Variants in DLG2 observed in about 807,000 individuals in gnomAD.
DLG2 encodes disks large homolog 2.
Under a neutral mutation model 132.5 loss-of-function variants are expected in DLG2, and 45 were observed. The ratio of observed to expected loss-of-function variants is 0.34; its 90% confidence interval spans 0.27 to 0.44. The LOEUF (loss-of-function observed/expected upper bound fraction) is 0.44, where lower values mean the gene tolerates loss of function less well. DLG2 is among the 20% of genes least tolerant of loss of function. DLG2 has a pLI of 1.00. For synonymous variants in DLG2, 424 were observed against 419.6 expected, an observed-to-expected ratio of 1.01 and a Z score of -0.13; for missense variants, 1,045 against 1,196.9, an observed-to-expected ratio of 0.87 and a Z score of 1.87.
intron 6 of DLG2, among the ~76,000 whole-genome samples, chr11:84,598,805 G>A (rs1431991922): frequency 1.3e-5 from 2 of 150,164 alleles, no homozygotes; most frequent in Non-Finnish European, 3.0e-5. Flanking sequence ...GCCGGGCATG[G>A]TGTCACATAC....
intron 6 of DLG2, among the ~76,000 whole-genome samples, chr11:84,614,522 C>T (rs2099600735): frequency 5.9e-5 from 9 of 152,132 alleles, no homozygotes; most frequent in Admixed American, 5.9e-4. Flanking sequence ...ATAGGTTTTA[C>T]ATAATAGAGA....
rs2099673718 is a variant in DLG2, at chr11:84,645,538, G to T, written c.358-110807C>A. On this transcript the variant is annotated intron_variant, in intron 6 of 27. Transcript: ENST00000376104. ...GCCAGAGTGCAGTCGCACGATCTCG[G>T]CTCACTGCAAGCTCCGCCTCCTGGG... 2.0e-5 allele frequency among the ~76,000 whole-genome samples: 3 copies of T among 152,238 alleles called. No individual in the cohort carries two copies. The South Asian group carries it at 6.2e-4, about 32-fold the overall frequency.
Position 83,972,102 on chromosome 11 carries a change from G to A in DLG2, c.1057-6634C>T, listed in dbSNP as rs377251582. The stretch of plus-strand genomic sequence containing the variant: ...GAAAATCGGAATGGGAAAAAAGAAA[G>A]TTAATTTCTCAAGGCCAATGAATAG... On this transcript the variant is annotated intron_variant, in intron 12 of 27. Coordinates refer to ENST00000376104, the MANE Select transcript of DLG2 (RefSeq NM_001142699.3). Among the ~76,000 whole-genome samples, 33 of 152,118 alleles carry A rather than the reference G, an allele frequency of 2.2e-4. No homozygotes were observed. In the East Asian group the frequency reaches 6.0e-3, roughly 28 times the overall value.
chr11:84,218,982 C>A (rs565864349), intron 8 of DLG2, among the ~76,000 whole-genome samples: 1 of 152,266 alleles, frequency 6.6e-6, no homozygotes, highest in African/African-American at 2.4e-5. Flanking sequence ...TTTATTATGG[C>A]AGCTATTGGT....
intron 4 of DLG2, among the ~76,000 whole-genome samples, chr11:85,197,350 C>A (rs1034469844): frequency 2.6e-5 from 4 of 151,960 alleles, no homozygotes; most frequent in Non-Finnish European, 4.4e-5. Flanking sequence ...TTTTAAAGAA[C>A]AATGCACATA....
At position 84,393,082 on chromosome 11, in the gene DLG2, G is replaced by A. The variant is rs568715558; in HGVS notation, c.519+141488C>T. Among the ~76,000 whole-genome samples the A allele has an allele frequency of 1.4e-4, 21 of 152,276 alleles. No individual in the cohort carries two copies. In the South Asian group the frequency reaches 2.3e-3, roughly 17 times the overall value. ...AACTTAATAACGTGTGAGCTATAAT[G>A]TGTATTCACTAAGAAAATGGCCTAG... is the stretch of plus-strand genomic sequence containing the variant. On this transcript the variant is annotated intron_variant, in intron 7 of 27. Transcript: ENST00000376104.
At chr11:84,488,623 G>A (rs1603136996) in intron 7 of DLG2, among the ~76,000 whole-genome samples, 1 of 152,162 alleles carries the variant, frequency 6.6e-6, no homozygotes, top group East Asian at 1.9e-4. Flanking sequence ...AGCTTACTCT[G>A]CTTCCCCATC....
intron 3 of DLG2, among the ~76,000 whole-genome samples, chr11:85,347,268 C>G (rs1247022490): frequency 2.0e-5 from 3 of 151,988 alleles, no homozygotes; most frequent in Non-Finnish European, 4.4e-5. Flanking sequence ...TGTTTCTCCC[C>G]CTGAAGCACA....
intron 3 of DLG2, among the ~76,000 whole-genome samples, chr11:85,380,164 C>T (rs985829224): frequency 5.1e-5 from 3 of 58,390 alleles, no homozygotes; most frequent in Non-Finnish European, 1.0e-4. Context: ...CCTAGAGATA[C>T]AAAAAATGTA....
intron 4 of DLG2, among the ~76,000 whole-genome samples, chr11:85,168,907 T>C (rs1359316258): frequency 6.6e-6 from 1 of 152,140 alleles, no homozygotes; most frequent in Non-Finnish European, 1.5e-5. Context: ...TTCTATAAAC[T>C]AACAGAATTT....
At chr11:84,430,394 G>A (rs1227898121) in intron 7 of DLG2, among the ~76,000 whole-genome samples, 3 of 149,176 alleles carry the variant, frequency 2.0e-5, no homozygotes, top group African/African-American at 7.5e-5. Context: ...AGCCGAGATC[G>A]TGCCACTTCA....
At chr11:84,292,206 A>G (rs1326116980) in intron 7 of DLG2, among the ~76,000 whole-genome samples, 2 of 152,230 alleles carry the variant, frequency 1.3e-5, no homozygotes, top group African/African-American at 4.8e-5. Context: ...GCAGAAAGAC[A>G]AGAGAGGAAA....
chr11:84,745,317 G>T (rs1236986213), intron 6 of DLG2, among the ~76,000 whole-genome samples: 1 of 152,154 alleles, frequency 6.6e-6, no homozygotes, highest in Non-Finnish European at 1.5e-5. Flanking sequence ...TGTTAGTGCT[G>T]TTCTTGTGAT....
intron 8 of DLG2, among the ~76,000 whole-genome samples, chr11:84,175,910 A>G (rs2095950065): frequency 6.6e-6 from 1 of 152,110 alleles, no homozygotes; most frequent in Admixed American, 6.6e-5. Context: ...ACTGCTTATT[A>G]ATAGGTTTTG....
chr11:83,494,180 A>G (rs2094022986), intron 21 of DLG2, among the ~76,000 whole-genome samples: 1 of 151,986 alleles, frequency 6.6e-6, no homozygotes, highest in African/African-American at 2.4e-5. Flanking sequence ...AGGAACTCAG[A>G]GCTGAAGCAA....
chr11:84,953,362 A>AT (rs1198089169), intron 6 of DLG2, among the ~76,000 whole-genome samples: 1 of 151,872 alleles, frequency 6.6e-6, no homozygotes, highest in Non-Finnish European at 1.5e-5. Context: ...TCATATTTCT[A>AT]TTTTTTCATA....
intron 4 of DLG2, among the ~76,000 whole-genome samples, chr11:85,165,254 T>G (rs2078351581): frequency 1.3e-5 from 2 of 152,188 alleles, no homozygotes; most frequent in South Asian, 4.1e-4. Context: ...TGAATTTTTA[T>G]GTGAAATAGC....
intron 9 of DLG2, among the ~76,000 whole-genome samples, chr11:84,143,779 G>A (rs1017584524): frequency 6.6e-6 from 1 of 152,066 alleles, no homozygotes; most frequent in Admixed American, 6.6e-5. Context: ...TCCCACTGAA[G>A]CAGGTATTCA....
chr11:83,780,124 A>G (rs555124121), intron 18 of DLG2, among the ~76,000 whole-genome samples: 1 of 152,336 alleles, frequency 6.6e-6, no homozygotes, highest in South Asian at 2.1e-4. Flanking sequence ...CTGCTCATTC[A>G]TATGCATAAG....
Sources: gnomAD v4.1 joint callset for allele counts (sites outside exome capture counted in the v4.1 genomes callset) on GRCh38, gnomAD v4.1.1 for gene constraint, MANE v1.5 for transcripts, NCBI Gene and HGNC (gene_info 2026-07-23, HGNC 2026-07-21) for gene names.